ITGA9: variants seen among roughly 807,000 people sequenced by gnomAD.
The protein encoded by ITGA9 is integrin alpha-9.
ITGA9 carries 56 observed loss-of-function variants against 127.8 expected under a neutral mutation model. The observed-to-expected ratio is 0.44, with a 90% CI of 0.35 to 0.55. The LOEUF (loss-of-function observed/expected upper bound fraction) is 0.55, where lower values mean the gene tolerates loss of function less well. ITGA9 is among the 20% of genes least tolerant of loss of function. The probability of loss-of-function intolerance (pLI) is 0.00; values close to 1 mark genes in which losing one functional copy is unlikely to be tolerated. For synonymous variants in ITGA9, 508 were observed against 514.5 expected (o/e 0.99, Z 0.17); for missense variants, 1,196 against 1,347.1 (o/e 0.89, Z 1.76).
chr3:37,606,145 A>G (rs1312127537), intron 15 of ITGA9, among the ~76,000 whole-genome samples: 2 of 152,244 alleles, frequency 1.3e-5, no homozygotes, highest in Non-Finnish European at 1.5e-5. Flanking sequence ...GAACAAAGCA[A>G]GTCTATTTTT....
chr3:37,595,393 C>T (rs1699859785), intron 15 of ITGA9, among the ~76,000 whole-genome samples: 1 of 152,108 alleles, frequency 6.6e-6, no homozygotes. Flanking sequence ...TGGCCAGGGA[C>T]CAGATGGGAG....
chr3:37,582,457 T>C (rs1699718491), intron 15 of ITGA9, among the ~76,000 whole-genome samples: 1 of 152,246 alleles, frequency 6.6e-6, no homozygotes, highest in African/African-American at 2.4e-5. Context: ...ATGGTATTTC[T>C]TGTTTTCTGC....
intron 21 of ITGA9, 130 bp from the exon 22 acceptor site, chr3:37,743,796 C>G (rs991828995): frequency 2.7e-6 from 2 of 732,730 alleles, no homozygotes; most frequent in African/African-American, 3.4e-5. Context: ...TATGTAACAG[C>G]CCCAGCAGGG....
At chr3:37,733,758 G>C (rs554667965) in intron 19 of ITGA9, among the ~76,000 whole-genome samples, 1 of 152,212 alleles carries the variant, frequency 6.6e-6, no homozygotes, top group South Asian at 2.1e-4. Context: ...CTTCAGAACT[G>C]TGAGAAATAA....
intron 15 of ITGA9, among the ~76,000 whole-genome samples, chr3:37,608,186 G>C (rs1699986171): frequency 6.6e-6 from 1 of 152,062 alleles, no homozygotes; most frequent in Non-Finnish European, 1.5e-5. Context: ...TAAAGACTGT[G>C]GTCACATTTA....
chr3:37,615,224 C>G (rs1700062497), intron 15 of ITGA9, among the ~76,000 whole-genome samples: 1 of 152,160 alleles, frequency 6.6e-6, no homozygotes, highest in South Asian at 2.1e-4. Context: ...TTGAGATAAT[C>G]ATGTGGTTTT....
intron 18 of ITGA9, among the ~76,000 whole-genome samples, chr3:37,726,203 G>A (rs1056833826): frequency 4.6e-5 from 7 of 152,314 alleles, no homozygotes; most frequent in Non-Finnish European, 5.9e-5. Flanking sequence ...GTGAGTTAAC[G>A]TGGAAGCCGC....
intron 12 of ITGA9, among the ~76,000 whole-genome samples, chr3:37,525,061 G>A (rs1699080620): frequency 6.6e-6 from 1 of 152,202 alleles, no homozygotes; most frequent in Non-Finnish European, 1.5e-5. Context: ...GTGATGTACA[G>A]ATTCAGACCC....
At chr3:37,522,785 C>G (rs929512743) in intron 11 of ITGA9, among the ~76,000 whole-genome samples, 1 of 151,762 alleles carries the variant, frequency 6.6e-6, no homozygotes, top group African/African-American at 2.4e-5. Flanking sequence ...AGCATAGATG[C>G]TAGTGTGTCC....
intron 16 of ITGA9, among the ~76,000 whole-genome samples, chr3:37,649,010 T>C (rs1700404563): frequency 6.6e-6 from 1 of 150,586 alleles, no homozygotes; most frequent in African/African-American, 2.4e-5. Flanking sequence ...TGTGAACTTA[T>C]AACAGACTGT....
chr3:37,654,288 G>T (rs1700456684), intron 17 of ITGA9, among the ~76,000 whole-genome samples: 1 of 151,976 alleles, frequency 6.6e-6, no homozygotes, highest in Non-Finnish European at 1.5e-5. Flanking sequence ...AAGGAGAGGG[G>T]CAGGCTGCCC....
rs117264352 is a variant in ITGA9, at chr3:37,620,336, C to T, written c.1690-8851C>T. Reference sequence around the variant, plus strand: ...CTGAGGTCCCGTGACCTGGTTCCAGCCTGCTCTCCTTCCCTGTCCATAGTC... The same window carrying T: ...CTGAGGTCCCGTGACCTGGTTCCAGTCTGCTCTCCTTCCCTGTCCATAGTC... On this transcript the variant is annotated intron_variant, in intron 15 of 27. Transcript: ENST00000264741. Among the ~76,000 whole-genome samples, 94 of 152,306 alleles carry T rather than the reference C, an allele frequency of 6.2e-4. 1 individual carries two copies. The East Asian group carries it at 0.017, about 28-fold the overall frequency.
intron 15 of ITGA9, among the ~76,000 whole-genome samples, chr3:37,607,128 A>G (rs1346340213): frequency 1.3e-5 from 2 of 151,850 alleles, no homozygotes; most frequent in Non-Finnish European, 2.9e-5. Context: ...ATCTATACAC[A>G]TGTGCCCCCG....
chr3:37,544,280 C>G (rs1459728719), intron 15 of ITGA9, among the ~76,000 whole-genome samples: 1 of 152,078 alleles, frequency 6.6e-6, no homozygotes, highest in Non-Finnish European at 1.5e-5. Context: ...CTGAGGGTTA[C>G]TGGGAAGGAT....
At chr3:37,717,080 T>TTCA (rs2125681636) in intron 18 of ITGA9, among the ~76,000 whole-genome samples, 1 of 152,324 alleles carries the variant, frequency 6.6e-6, no homozygotes, top group East Asian at 1.9e-4. Flanking sequence ...TTCCTAAAGC[T>TTCA]TCAGCCCTAA....
At chr3:37,569,708 C>T (rs549534148) in intron 15 of ITGA9, among the ~76,000 whole-genome samples, 13 of 152,214 alleles carry the variant, frequency 8.5e-5, no homozygotes, top group Non-Finnish European at 1.8e-4. Flanking sequence ...GGAAATTCTA[C>T]ACCTTACCTC....
At chr3:37,723,497 G>A (rs531631473) in intron 18 of ITGA9, among the ~76,000 whole-genome samples, 1 of 152,114 alleles carries the variant, frequency 6.6e-6, no homozygotes, top group East Asian at 1.9e-4. Context: ...AGTAGCTGGG[G>A]CTACAGATGT....
chr3:37,705,876 CA>C (rs1700999329), intron 18 of ITGA9, among the ~76,000 whole-genome samples: 1 of 152,238 alleles, frequency 6.6e-6, no homozygotes. Context: ...CCACCCCGAG[CA>C]AACCCTCATT....
chr3:37,784,690 A>G (rs545802079), intron 25 of ITGA9, among the ~76,000 whole-genome samples: 2 of 152,240 alleles, frequency 1.3e-5, no homozygotes, highest in East Asian at 1.9e-4. Context: ...TCAATATCCA[A>G]ATATCTGGCT....
Sources: gnomAD v4.1 joint callset for allele counts (sites outside exome capture counted in the v4.1 genomes callset) on GRCh38, gnomAD v4.1.1 for gene constraint, MANE v1.5 for transcripts, NCBI Gene and HGNC (gene_info 2026-07-23, HGNC 2026-07-21) for gene names.